CSMD1: variants seen among roughly 807,000 people sequenced by gnomAD.
CSMD1 encodes CUB and Sushi multiple domains 1.
CSMD1 carries 213 observed loss-of-function variants against 417.5 expected under a neutral mutation model. The observed-to-expected ratio is 0.51, with a 90% CI of 0.46 to 0.57. The LOEUF (loss-of-function observed/expected upper bound fraction) is 0.57. CSMD1 is among the 20% of genes least tolerant of loss of function. The pLI is 0.00. For missense variants in CSMD1, 6,923 were observed against 4,529.7 expected, an observed-to-expected ratio of 1.53 and a Z score of -15.17; for synonymous variants, 2,862 against 1,736.8, an observed-to-expected ratio of 1.65 and a Z score of -16.11.
Position 4,392,509 on chromosome 8 carries a change from C to T in CSMD1, c.415+27444G>A, listed in dbSNP as rs527401971. Among the ~76,000 whole-genome samples the T allele has an allele frequency of 1.2e-4, 18 of 152,034 alleles. No homozygotes were observed. The South Asian group carries it at 2.3e-3, about 19-fold the overall frequency. On this transcript the variant is annotated intron_variant, in intron 3 of 69. Coordinates refer to ENST00000635120, the MANE Select transcript of CSMD1 (RefSeq NM_033225.6). ...GAGCCAAAGAAAAGGTAAAGAATCA[C>T]GGTTTGTGTGTGGAGATGGGAGTGT...
In CSMD1 at chr8:3,737,521, C is replaced by T. The variant is rs535742866; in HGVS notation, c.931+16409G>A. ...CTCTGTTGAACATTTTTTACTTACA[C>T]TGTTACTGGTTTCTTTTTACCAATC... is the stretch of plus-strand genomic sequence containing the variant. On this transcript the variant is annotated intron_variant, in intron 6 of 69. Coordinates refer to ENST00000635120, the MANE Select transcript of CSMD1 (RefSeq NM_033225.6). 5.3e-5 allele frequency among the ~76,000 whole-genome samples: 8 copies of T among 152,308 alleles called. No individual in the cohort carries two copies. The South Asian group carries it at 1.4e-3, about 28-fold the overall frequency.
In CSMD1 at chr8:4,083,332, T is replaced by C. The variant is rs193170647; in HGVS notation, c.416-51233A>G. On this transcript the variant is annotated intron_variant, in intron 3 of 69. Coordinates refer to ENST00000635120, the MANE Select transcript of CSMD1 (RefSeq NM_033225.6). ...CTAACTGGTGTGAGATGGTATCTCA[T>C]TGAGGTTTTGATTTGCATTTCTCTG... 4.2e-3 allele frequency among the ~76,000 whole-genome samples: 642 copies of C among 152,230 alleles called. 5 individuals are homozygous for C. Among genetic ancestry groups the C allele is most frequent in the African/African-American group, 0.015 (617 of 41,554 alleles).
rs563235425 is a variant in CSMD1 at position 4,800,715 on chromosome 8, C to G, written c.86-163157G>C. Among the ~76,000 whole-genome samples, 4 of 152,280 alleles carry G rather than the reference C, an allele frequency of 2.6e-5. No homozygotes were observed. The South Asian group carries it at 6.2e-4, about 24-fold the overall frequency. On this transcript the variant is annotated intron_variant, in intron 1 of 69. Coordinates refer to ENST00000635120, the MANE Select transcript of CSMD1 (RefSeq NM_033225.6). ...CTAAGTTCTGCAGCAACCCTCATTC[C>G]AGAGCTGCATTGCTTAAGGCCTCTG...
At position 4,818,362 on chromosome 8, in the gene CSMD1, C is replaced by A. The variant is rs1799323539; in HGVS notation, c.85+175970G>T. On this transcript the variant is annotated intron_variant, in intron 1 of 69. Transcript: ENST00000635120. ...GCATTGCCTGCCACAGTTTAATGTTCCTTCAATAAGTGCCATGGAAAGCTC... is the reference window on the plus strand; with the variant it reads ...GCATTGCCTGCCACAGTTTAATGTTACTTCAATAAGTGCCATGGAAAGCTC... 2.6e-5 allele frequency among the ~76,000 whole-genome samples: 4 copies of A among 152,226 alleles called. No individual in the cohort carries two copies. In the South Asian group the frequency reaches 8.3e-4, roughly 32 times the overall value.
At chr8:3,975,799 T>C (rs990905346) in intron 5 of CSMD1, among the ~76,000 whole-genome samples, 4 of 152,216 alleles carry the variant, frequency 2.6e-5, no homozygotes, top group African/African-American at 7.2e-5. Flanking sequence ...AAAAAACCCA[T>C]ATAGGTTTAT....
chr8:4,397,515 C>A (rs1488760063), intron 3 of CSMD1, among the ~76,000 whole-genome samples: 3 of 145,596 alleles, frequency 2.1e-5, no homozygotes, highest in Non-Finnish European at 3.0e-5. Context: ...GTCAACAAGC[C>A]TGAGACTCTT....
At chr8:3,627,169 A>C (rs10108533) in intron 7 of CSMD1, among the ~76,000 whole-genome samples, 1 of 151,890 alleles carries the variant, frequency 6.6e-6, no homozygotes, top group Admixed American at 6.6e-5. Flanking sequence ...TGTGCAGTGC[A>C]ATTTCACCCT....
rs184846808 is a variant in CSMD1 at position 3,957,064 on chromosome 8, A to C, written c.818+40839T>G. Reference sequence around the variant, plus strand: ...AAGGAAGAAATAACGTAGGAGACAAAAACGCCGGGGGAGGCTCTGTATATG... The same window carrying C: ...AAGGAAGAAATAACGTAGGAGACAACAACGCCGGGGGAGGCTCTGTATATG... On this transcript the variant is annotated intron_variant, in intron 5 of 69. Coordinates refer to ENST00000635120, the MANE Select transcript of CSMD1 (RefSeq NM_033225.6). Among the ~76,000 whole-genome samples, 654 of 151,894 alleles carry C rather than the reference A, an allele frequency of 4.3e-3. 3 individuals are homozygous for C. The highest frequency in any genetic ancestry group is 7.1e-3 in the Non-Finnish European group (480 of 67,940).
intron 5 of CSMD1, among the ~76,000 whole-genome samples, chr8:3,755,866 A>G (rs1050759333): frequency 2.0e-5 from 3 of 152,078 alleles, no homozygotes; most frequent in African/African-American, 4.8e-5. Context: ...TTTATGTAGT[A>G]CTGGCTGGTG....
rs1000156179 is a variant in CSMD1, at chr8:3,537,743, CTATTT to C, written c.1344+37197_1344+37201del. ...ATTATCAAGAATCAAAAGTTTTTAA[CTATTT>C]TATTTAGGACAGTAAAACAAGAACA... On this transcript the variant is annotated intron_variant, in intron 10 of 69. Coordinates refer to ENST00000635120, the MANE Select transcript of CSMD1 (RefSeq NM_033225.6). 1.3e-4 allele frequency among the ~76,000 whole-genome samples: 20 copies of C among 152,100 alleles called. 1 individual carries two copies. The highest frequency in any genetic ancestry group is 1.2e-3 in the Admixed American group (19 of 15,286).
At chr8:2,965,380 C>G (rs1247233343) in intron 59 of CSMD1, among the ~76,000 whole-genome samples, 1 of 152,176 alleles carries the variant, frequency 6.6e-6, no homozygotes, top group Non-Finnish European at 1.5e-5. Context: ...AGGTGATTGG[C>G]TCGTCTCTCC....
At chr8:4,806,231 A>G (rs1000526625) in intron 1 of CSMD1, among the ~76,000 whole-genome samples, 2 of 152,156 alleles carry the variant, frequency 1.3e-5, no homozygotes, top group Non-Finnish European at 2.9e-5. Flanking sequence ...TTTCAAACCT[A>G]TAGCTTACTG....
chr8:3,446,775 T>G (rs954400870), intron 12 of CSMD1, among the ~76,000 whole-genome samples: 1 of 152,232 alleles, frequency 6.6e-6, no homozygotes, highest in African/African-American at 2.4e-5. Flanking sequence ...AATCCTGACG[T>G]CGATGAAATG....
chr8:4,201,206 C>T (rs984818090), intron 3 of CSMD1, among the ~76,000 whole-genome samples: 4 of 152,148 alleles, frequency 2.6e-5, no homozygotes, highest in African/African-American at 9.7e-5. Flanking sequence ...TGATCCAATA[C>T]ATGGCACAAA....
intron 24 of CSMD1, among the ~76,000 whole-genome samples, 187 bp from the exon 25 acceptor site, chr8:3,308,008 C>T (rs545606498): frequency 1.3e-5 from 2 of 152,226 alleles, no homozygotes; most frequent in African/African-American, 4.8e-5. Flanking sequence ...AAGTCTTTAT[C>T]CTCCATGCAA....
chr8:3,176,157 C>A (rs778014806), intron 37 of CSMD1, among the ~76,000 whole-genome samples: 1 of 151,786 alleles, frequency 6.6e-6, no homozygotes, highest in African/African-American at 2.4e-5. Context: ...GTGAAGAAGG[C>A]CTGAAAGTGA....
intron 1 of CSMD1, among the ~76,000 whole-genome samples, chr8:4,730,834 T>G (rs1809803785): frequency 6.6e-6 from 1 of 152,126 alleles, no homozygotes; most frequent in Non-Finnish European, 1.5e-5. Flanking sequence ...TGCATAATGC[T>G]TTATCTAAAG....
intron 1 of CSMD1, among the ~76,000 whole-genome samples, chr8:4,718,124 C>T (rs1184068909): frequency 3.3e-5 from 5 of 152,076 alleles, no homozygotes; most frequent in Non-Finnish European, 7.4e-5. Context: ...CAGGCACATG[C>T]CACCATGCCC....
At chr8:4,357,022 A>T (rs1239529372) in intron 3 of CSMD1, among the ~76,000 whole-genome samples, 1 of 152,254 alleles carries the variant, frequency 6.6e-6, no homozygotes, top group Non-Finnish European at 1.5e-5. Flanking sequence ...AATTGCTATA[A>T]AATTCTTACA....
Sources: gnomAD v4.1 joint callset for allele counts (sites outside exome capture counted in the v4.1 genomes callset) on GRCh38, gnomAD v4.1.1 for gene constraint, MANE v1.5 for transcripts, NCBI Gene and HGNC (gene_info 2026-07-23, HGNC 2026-07-21) for gene names.